Variants in LUZP2 observed in about 807,000 individuals in gnomAD.
LUZP2 encodes the protein leucine zipper protein 2.
A neutral mutation model predicts 51.6 loss-of-function variants in LUZP2; 52 were observed. That is an observed-to-expected ratio of 1.01 (90% CI 0.81 to 1.27). The LOEUF (loss-of-function observed/expected upper bound fraction) is 1.27, where lower values mean the gene tolerates loss of function less well. Ranked by LOEUF, LUZP2 falls within the 50% of genes most tolerant of loss-of-function variation. LUZP2 has a pLI of 0.00. For synonymous variants in LUZP2, 154 were observed against 137.3 expected (o/e 1.12, Z -0.85); for missense variants, 436 against 395.4 (o/e 1.10, Z -0.87).
intron 1 of LUZP2, among the ~76,000 whole-genome samples, chr11:24,723,199 A>G (rs1473962579): frequency 6.6e-6 from 1 of 152,182 alleles, no homozygotes; most frequent in Non-Finnish European, 1.5e-5. Context: ...CCACTACTAG[A>G]GTTACTGAAT....
chr11:24,779,922 G>A (rs1392169035), intron 5 of LUZP2, among the ~76,000 whole-genome samples: 1 of 152,054 alleles, frequency 6.6e-6, no homozygotes, highest in East Asian at 1.9e-4. Flanking sequence ...GTGAATGTGG[G>A]CTGAAATCCA....
At chr11:24,668,902 A>T (rs1856306241) in intron 1 of LUZP2, among the ~76,000 whole-genome samples, 1 of 152,178 alleles carries the variant, frequency 6.6e-6, no homozygotes, top group Admixed American at 6.5e-5. Flanking sequence ...AATGTTTATT[A>T]CATACCATTT....
At chr11:24,950,250 A>C (rs936838274) in intron 7 of LUZP2, among the ~76,000 whole-genome samples, 10 of 151,574 alleles carry the variant, frequency 6.6e-5, no homozygotes, top group African/African-American at 2.4e-4. Context: ...TGAAGGAATA[A>C]AAGAAATGCA....
intron 10 of LUZP2, among the ~76,000 whole-genome samples, chr11:25,053,501 G>A (rs1858586281): frequency 6.7e-6 from 1 of 149,504 alleles, no homozygotes; most frequent in African/African-American, 2.5e-5. Flanking sequence ...CTGTAATCCA[G>A]TTTCAGAACA....
At chr11:24,731,993 A>G (rs2716454) in intron 2 of LUZP2, 125 bp from the exon 3 acceptor site, 134,205 of 646,462 alleles carry the variant, frequency 0.21, 19,241 homozygotes, top group African/African-American at 0.59. Context: ...GGACCATCAT[A>G]GACTCATTTT....
chr11:24,838,826 A>T (rs910050357), intron 5 of LUZP2, among the ~76,000 whole-genome samples: 1 of 151,700 alleles, frequency 6.6e-6, no homozygotes, highest in East Asian at 1.9e-4. Flanking sequence ...CCTTGAAAAA[A>T]TATGTATGTA....
chr11:25,006,785 C>T (rs568135851), intron 9 of LUZP2, among the ~76,000 whole-genome samples: 14 of 152,224 alleles, frequency 9.2e-5, no homozygotes, highest in African/African-American at 3.1e-4. Context: ...AAGCCATAGA[C>T]CCATGTGGTG....
intron 1 of LUZP2, among the ~76,000 whole-genome samples, chr11:24,576,444 A>G (rs1478881696): frequency 6.7e-6 from 1 of 150,174 alleles, no homozygotes; most frequent in Non-Finnish European, 1.5e-5. Context: ...AGGAAAAAAT[A>G]CTAACTTATC....
At chr11:24,541,981 C>T (rs575775240) in intron 1 of LUZP2, among the ~76,000 whole-genome samples, 1 of 151,506 alleles carries the variant, frequency 6.6e-6, no homozygotes, top group Non-Finnish European at 1.5e-5. Flanking sequence ...ATTTCTGAGA[C>T]AGAATGGATT....
chr11:24,792,077 T>C (rs943116902), intron 5 of LUZP2, among the ~76,000 whole-genome samples: 15 of 152,052 alleles, frequency 9.9e-5, no homozygotes, highest in Non-Finnish European at 1.6e-4. Flanking sequence ...CTTCCATGTA[T>C]AGAGAAATGC....
In LUZP2 at chr11:24,926,320, C is replaced by A. The variant is rs190623835; in HGVS notation, c.522+11782C>A. On this transcript the variant is annotated intron_variant, in intron 7 of 11. Transcript: ENST00000336930. The stretch of plus-strand genomic sequence containing the variant: ...ATATATATACGTGTGTATATATATA[C>A]GTGTGTGTATATATATATACGTGTG... Among the ~76,000 whole-genome samples the A allele has an allele frequency of 9.6e-3, 261 of 27,282 alleles. 22 individuals carry two copies. The highest frequency in any genetic ancestry group is 0.028 in the African/African-American group (181 of 6,502). The allele number at this position is 27,282 out of a possible 152,430, so 17.9% of individuals were successfully genotyped here. A position where few individuals can be genotyped will look rare whatever the true frequency, so the allele number is the denominator to read the frequency against.
At position 25,006,092 on chromosome 11, in the gene LUZP2, A is replaced by G. The variant is rs150264227; in HGVS notation, c.765+22799A>G. Among the ~76,000 whole-genome samples the G allele has an allele frequency of 2.4e-3, 281 of 117,080 alleles. 8 individuals are homozygous for G. In the East Asian group the frequency reaches 0.051, roughly 21 times the overall value. 76.8% of individuals were successfully genotyped at this position (117,080 alleles called of 152,430 possible). A position where few individuals can be genotyped will look rare whatever the true frequency, so the allele number is the denominator to read the frequency against. On this transcript the variant is annotated intron_variant, in intron 9 of 11. Transcript: ENST00000336930. ...GTCTGAGAAGGGATCCTAAAATTCCAGATAGTCCCCCCTATGATTGTGCTT... is the reference window on the plus strand; with the variant it reads ...GTCTGAGAAGGGATCCTAAAATTCCGGATAGTCCCCCCTATGATTGTGCTT...
chr11:24,774,275 A>G (rs1334430354), intron 5 of LUZP2, among the ~76,000 whole-genome samples: 1 of 148,730 alleles, frequency 6.7e-6, no homozygotes, highest in Non-Finnish European at 1.5e-5. Flanking sequence ...GCCTGTGCAG[A>G]TGGCCTATTA....
At chr11:24,501,928 A>C (rs1458282247) in intron 1 of LUZP2, among the ~76,000 whole-genome samples, 1 of 152,196 alleles carries the variant, frequency 6.6e-6, no homozygotes, top group Non-Finnish European at 1.5e-5. Context: ...CTTTCCAAGG[A>C]TATTGAAAAG....
intron 8 of LUZP2, among the ~76,000 whole-genome samples, chr11:24,981,194 G>C (rs1470375889): frequency 6.6e-6 from 1 of 151,798 alleles, no homozygotes; most frequent in Non-Finnish European, 1.5e-5. Context: ...CCAAACCTGA[G>C]TAGTATGAGT....
intron 1 of LUZP2, among the ~76,000 whole-genome samples, chr11:24,593,452 A>G (rs1189774383): frequency 6.6e-6 from 1 of 152,170 alleles, no homozygotes; most frequent in Non-Finnish European, 1.5e-5. Flanking sequence ...AGAGAGCTCG[A>G]GCTTACTCAC....
chr11:24,718,640 A>G (rs1421294834), intron 1 of LUZP2, among the ~76,000 whole-genome samples: 1 of 152,244 alleles, frequency 6.6e-6, no homozygotes, highest in African/African-American at 2.4e-5. Context: ...ACAGTGTGCT[A>G]GTATCAAACA....
rs368386503 is a variant in LUZP2, at chr11:24,597,828, C to T, written c.62+100523C>T. On this transcript the variant is annotated intron_variant, in intron 1 of 11. Coordinates refer to ENST00000336930, the MANE Select transcript of LUZP2 (RefSeq NM_001009909.4). ...ATAGAAGATACTCATCACCAGCCAC[C>T]ATGGCTTATATGCCTGTAATCCTAG... is the stretch of plus-strand genomic sequence containing the variant. 1.3e-3 allele frequency among the ~76,000 whole-genome samples: 200 copies of T among 152,100 alleles called. 5 individuals are homozygous for T. The South Asian group carries it at 0.04, about 31-fold the overall frequency.
At chr11:24,658,234 T>C (rs1237147108) in intron 1 of LUZP2, among the ~76,000 whole-genome samples, 1 of 151,994 alleles carries the variant, frequency 6.6e-6, no homozygotes, top group Non-Finnish European at 1.5e-5. Flanking sequence ...GAGATATAGA[T>C]CAATGGAACA....
Sources: gnomAD v4.1 joint callset for allele counts (sites outside exome capture counted in the v4.1 genomes callset) on GRCh38, gnomAD v4.1.1 for gene constraint, MANE v1.5 for transcripts, NCBI Gene and HGNC (gene_info 2026-07-23, HGNC 2026-07-21) for gene names.